PEAK1: variants seen among roughly 807,000 people sequenced by gnomAD.
The protein encoded by PEAK1 is inactive tyrosine-protein kinase PEAK1.
Under a neutral mutation model 124.7 loss-of-function variants are expected in PEAK1, and 54 were observed. That is an observed-to-expected ratio of 0.43 (90% confidence interval 0.35 to 0.54). The LOEUF (loss-of-function observed/expected upper bound fraction) is 0.54. Ranked by LOEUF, PEAK1 falls within the 20% of genes least tolerant of loss-of-function variation. PEAK1 has a pLI of 0.01. For synonymous variants in PEAK1, 719 were observed against 760.0 expected, an observed-to-expected ratio of 0.95 and a Z score of 0.89; for missense variants, 2,046 against 2,134.5, an observed-to-expected ratio of 0.96 and a Z score of 0.82.
chr15:77,145,848 A>G (rs1233264078), intron 8 of PEAK1, among the ~76,000 whole-genome samples: 1 of 152,154 alleles, frequency 6.6e-6, no homozygotes, highest in African/African-American at 2.4e-5. Flanking sequence ...ATCTCTCCCA[A>G]AGATCAGAAG....
chr15:77,346,358 T>C (rs771851790), intron 2 of PEAK1: 116 of 983,832 alleles, frequency 1.2e-4, no homozygotes, highest in Non-Finnish European at 1.4e-4. Flanking sequence ...CTGGAATTTG[T>C]TCCTGTTCTA....
Position 77,111,188 on chromosome 15 carries a change from T to G in PEAK1, c.*2968A>C, listed in dbSNP as rs550443184. 8 of 152,322 alleles carry G rather than the reference T, an allele frequency of 5.3e-5. No homozygotes were observed. The highest frequency in any genetic ancestry group is 1.9e-4 in the African/African-American group (8 of 41,578). The allele number at this position is 152,322 out of a possible 1,614,324, so 9.4% of individuals were successfully genotyped here. ...TTGAAGGCAATAACTTCCTGTTACT[T>G]GAGAAAATGTAAAGTGCTATACTAG... On this transcript the variant is annotated 3_prime_UTR_variant, in exon 10 of 10. Coordinates refer to ENST00000682557, the MANE Select transcript of PEAK1 (RefSeq NM_001385026.1).
intron 2 of PEAK1, among the ~76,000 whole-genome samples, chr15:77,312,174 T>G (rs1371877393): frequency 6.6e-6 from 1 of 152,190 alleles, no homozygotes; most frequent in Admixed American, 6.5e-5. Context: ...GTTCTGAAAC[T>G]AGGTAAATAG....
At chr15:77,252,265 T>C (rs2060916168) in intron 6 of PEAK1, 102 bp downstream of exon 6, 5 of 618,224 alleles carry the variant, frequency 8.1e-6, no homozygotes, top group Non-Finnish European at 6.1e-6. Flanking sequence ...GCTTTATCTA[T>C]AGTTTGGCAT....
chr15:77,179,481 G>T lies in PEAK1; in HGVS notation c.2446C>A (p.Arg816=). 1.2e-6 allele frequency: 2 copies of T among 1,614,046 alleles called. No homozygotes were observed. The highest frequency in any genetic ancestry group is 1.7e-6 in the Non-Finnish European group (2 of 1,179,992). Residue 816 remains arginine, a synonymous_variant, in exon 7 of 10, where the codon CGG becomes AGG. Transcript: ENST00000682557. ...TGAGATGTAAAGAGAGATTTGGGCC[G>T]GACTGGCGTACTCTTAGGTGTGCTC... ...AKSTPKSTPV[R]PKSLFTSQPS...
At chr15:77,261,012 C>T (rs567489396) in intron 5 of PEAK1, among the ~76,000 whole-genome samples, 1 of 152,316 alleles carries the variant, frequency 6.6e-6, no homozygotes, top group South Asian at 2.1e-4. Context: ...AGGCAAACAG[C>T]ATCTGGAGAG....
At chr15:77,349,870 T>C (rs1021216392) in intron 2 of PEAK1, 3 of 985,250 alleles carry the variant, frequency 3.0e-6, no homozygotes, top group Admixed American at 6.1e-5. Context: ...AGGAGCCAAC[T>C]GAACAATATG....
chr15:77,180,634 T>A lies in PEAK1; in HGVS notation c.1293A>T (p.Gln431His). ...LEEKDGKIAV[Q>H]TEKEESKAST... is the part of the protein sequence containing the mutation. ...AGGCTTTACTTTCTTCCTTCTCAGT[T>A]TGTACAGCAATCTTGCCATCTTTCT... is the stretch of plus-strand genomic sequence containing the variant. Residue 431 changes from glutamine to histidine, a missense_variant, in exon 7 of 10, where the codon CAA becomes CAT. Transcript: ENST00000682557. 6.2e-6 allele frequency: 10 copies of A among 1,614,170 alleles called. No homozygotes were observed. Among genetic ancestry groups the A allele is most frequent in the Non-Finnish European group, 8.5e-6 (10 of 1,180,022 alleles).
chr15:77,415,156 G>C (rs2072768073), intron 1 of PEAK1, among the ~76,000 whole-genome samples: 1 of 152,154 alleles, frequency 6.6e-6, no homozygotes, highest in South Asian at 2.1e-4. Flanking sequence ...ACGAAAATTG[G>C]TACTGCTACA....
chr15:77,404,633 T>C (rs566779372), intron 1 of PEAK1: 24 of 943,028 alleles, frequency 2.5e-5, no homozygotes, highest in East Asian at 2.3e-4. Context: ...CTTTAAGATA[T>C]ACCCAAGAGA....
At chr15:77,146,460 A>T (rs957276988) in intron 8 of PEAK1, among the ~76,000 whole-genome samples, 6 of 152,212 alleles carry the variant, frequency 3.9e-5, no homozygotes, top group Non-Finnish European at 8.8e-5. Context: ...GTAAGTCCTC[A>T]TTAGTGGAAA....
rs114301100 is a variant in PEAK1, at chr15:77,337,228, T to C, written c.-603+27935A>G. 1.3e-3 allele frequency: 1,246 copies of C among 983,188 alleles called. 18 individuals carry two copies. In the African/African-American group the frequency reaches 0.021, roughly 17 times the overall value. The allele number at this position is 983,188 out of a possible 1,614,324, so 60.9% of individuals were successfully genotyped here. A position where few individuals can be genotyped will look rare whatever the true frequency, so the allele number is the denominator to read the frequency against. On this transcript the variant is annotated intron_variant, in intron 2 of 9. Coordinates refer to ENST00000682557, the MANE Select transcript of PEAK1 (RefSeq NM_001385026.1). Reference sequence around the variant, plus strand: ...CCAAATAAACTCAGCCAAGACAAGATAATACAGACATGAAAGCTCCACTAG... The same window carrying C: ...CCAAATAAACTCAGCCAAGACAAGACAATACAGACATGAAAGCTCCACTAG...
chr15:77,159,322 C>T (rs574106182), intron 7 of PEAK1, among the ~76,000 whole-genome samples: 3 of 152,288 alleles, frequency 2.0e-5, no homozygotes, highest in African/African-American at 4.8e-5. Context: ...AAAGAAAGTT[C>T]GTAGTCTAGT....
At chr15:77,401,048 C>A (rs576446413) in intron 1 of PEAK1, among the ~76,000 whole-genome samples, 1 of 152,072 alleles carries the variant, frequency 6.6e-6, no homozygotes, top group East Asian at 1.9e-4. Flanking sequence ...CCAACAAAAC[C>A]CAATATATAC....
At chr15:77,374,003 A>T (rs1357953025) in intron 1 of PEAK1, among the ~76,000 whole-genome samples, 3 of 152,220 alleles carry the variant, frequency 2.0e-5, no homozygotes, top group Admixed American at 6.5e-5. Context: ...GCTTATCTTG[A>T]TAATGTGCAA....
chr15:77,145,228 C>T (rs1305366399), intron 8 of PEAK1, among the ~76,000 whole-genome samples: 1 of 152,136 alleles, frequency 6.6e-6, no homozygotes, highest in East Asian at 1.9e-4. Context: ...GTGGGTGGAT[C>T]GCCTGAGCTC....
chr15:77,103,505 G>A (rs1002402895), downstream of PEAK1: 1 of 152,174 alleles, frequency 6.6e-6, no homozygotes, highest in Non-Finnish European at 1.5e-5. Context: ...TTTTGTAAGA[G>A]AGTGGAACCC....
chr15:77,349,596 T>C, intron 2 of PEAK1: 1 of 984,868 alleles, frequency 1.0e-6, no homozygotes, highest in Non-Finnish European at 1.2e-6. Context: ...GAATATATGC[T>C]TGAGTATGAT....
At chr15:77,283,205 T>G (rs1042245884) in intron 5 of PEAK1, among the ~76,000 whole-genome samples, 1 of 152,202 alleles carries the variant, frequency 6.6e-6, no homozygotes, top group Non-Finnish European at 1.5e-5. Context: ...TCTCAAAATG[T>G]TGCTTTCAAA....
Sources: allele counts gnomAD v4.1 joint callset (sites outside exome capture counted in the v4.1 genomes callset), GRCh38; gene constraint gnomAD v4.1.1; transcripts MANE v1.5; gene names NCBI Gene and HGNC (gene_info 2026-07-23, HGNC 2026-07-21).